ERC1: variants seen among roughly 807,000 people sequenced by gnomAD.
ERC1 encodes the protein RAB6 interacting protein 2.
ERC1 carries 56 observed loss-of-function variants against 132.0 expected under a neutral mutation model. The ratio of observed to expected loss-of-function variants is 0.42; its 90% confidence interval spans 0.34 to 0.53. The LOEUF (loss-of-function observed/expected upper bound fraction) is 0.53. Ranked by LOEUF, ERC1 falls within the 20% of genes least tolerant of loss-of-function variation. ERC1 has a pLI of 0.03. For synonymous variants in ERC1, 478 were observed against 476.1 expected, an observed-to-expected ratio of 1.00 and a Z score of -0.05; for missense variants, 1,202 against 1,349.9, an observed-to-expected ratio of 0.89 and a Z score of 1.72.
intron 8 of ERC1, among the ~76,000 whole-genome samples, chr12:1,167,747 C>T (rs1404363250): frequency 7.5e-5 from 11 of 146,766 alleles, no homozygotes; most frequent in Admixed American, 4.2e-4. Flanking sequence ...GATGGAGTCT[C>T]GCTCTGTTGC....
At chr12:1,068,625 T>G (rs1383709443) in intron 2 of ERC1, among the ~76,000 whole-genome samples, 1 of 152,222 alleles carries the variant, frequency 6.6e-6, no homozygotes, top group Admixed American at 6.5e-5. Context: ...TTCATACCCT[T>G]GAAGCTCTGA....
intron 2 of ERC1, among the ~76,000 whole-genome samples, chr12:1,060,948 G>A (rs1432241421): frequency 4.6e-5 from 7 of 152,092 alleles, no homozygotes; most frequent in Non-Finnish European, 1.0e-4. Flanking sequence ...GGATGATCTC[G>A]ATCTCCTGAC....
At chr12:1,003,363 G>T (rs959879662) in intron 1 of ERC1, among the ~76,000 whole-genome samples, 9 of 152,070 alleles carry the variant, frequency 5.9e-5, no homozygotes, top group Admixed American at 4.6e-4. Context: ...AGAATTCTAA[G>T]ATCAATGTTA....
intron 18 of ERC1, among the ~76,000 whole-genome samples, chr12:1,448,340 T>C (rs1302731739): frequency 6.6e-6 from 1 of 152,210 alleles, no homozygotes; most frequent in Non-Finnish European, 1.5e-5. Flanking sequence ...ATACAGTAAC[T>C]AACAACCCCT....
intron 17 of ERC1, among the ~76,000 whole-genome samples, chr12:1,434,970 C>G (rs957180032): frequency 1.9e-4 from 29 of 152,296 alleles, no homozygotes; most frequent in African/African-American, 6.3e-4. Flanking sequence ...AATTCAATCA[C>G]TGCATGGGAG....
intron 18 of ERC1, among the ~76,000 whole-genome samples, chr12:1,487,406 T>C (rs2154434114): frequency 7.3e-6 from 1 of 137,394 alleles, no homozygotes; most frequent in African/African-American, 2.8e-5. Flanking sequence ...TTTTTGCCTG[T>C]TTTAAGATGG....
chr12:1,068,240 C>G (rs1034415199), intron 2 of ERC1, among the ~76,000 whole-genome samples: 1 of 93,062 alleles, frequency 1.1e-5, no homozygotes, highest in Admixed American at 1.0e-4. Context: ...ATGCTGAGAT[C>G]TTAATTAAGA....
chr12:1,480,987 AC>A, intron 18 of ERC1: 1 of 689,520 alleles, frequency 1.5e-6, no homozygotes. Flanking sequence ...TGTGGATGGT[AC>A]TGAAGCCTAT....
intron 8 of ERC1, among the ~76,000 whole-genome samples, chr12:1,175,500 TA>T (rs1953600028): frequency 6.6e-6 from 1 of 151,418 alleles, no homozygotes; most frequent in Non-Finnish European, 1.5e-5. Context: ...ACACTCTTAT[TA>T]CTCATTCAGA....
chr12:1,078,433 C>T (rs1280454007), intron 2 of ERC1, among the ~76,000 whole-genome samples: 1 of 56,322 alleles, frequency 1.8e-5, no homozygotes, highest in African/African-American at 6.6e-5. Flanking sequence ...ATTTAAATTC[C>T]TGATTTTTTT....
intron 2 of ERC1, among the ~76,000 whole-genome samples, chr12:1,032,486 C>T (rs1321007634): frequency 6.6e-6 from 1 of 152,162 alleles, no homozygotes; most frequent in Non-Finnish European, 1.5e-5. Context: ...TATTCTACCA[C>T]TTTATATCTC....
intron 15 of ERC1, among the ~76,000 whole-genome samples, chr12:1,313,585 A>G (rs1203315826): frequency 1.3e-5 from 2 of 151,452 alleles, no homozygotes; most frequent in African/African-American, 4.9e-5. Flanking sequence ...TCCCATATGT[A>G]AATCAAATTG....
At chr12:1,111,111 C>T (rs1218514046) in intron 5 of ERC1, among the ~76,000 whole-genome samples, 1 of 152,112 alleles carries the variant, frequency 6.6e-6, no homozygotes, top group Non-Finnish European at 1.5e-5. Context: ...GGAAGATCCA[C>T]TTGCTGTCAG....
At chr12:1,443,360 G>A (rs1435748273) in intron 17 of ERC1, 3 of 152,236 alleles carry the variant, frequency 2.0e-5, no homozygotes, top group African/African-American at 2.4e-5. Flanking sequence ...ATAAAGGAAC[G>A]TGGCAGGAGC....
At chr12:1,004,487 A>T (rs1218169337) in intron 1 of ERC1, among the ~76,000 whole-genome samples, 2 of 139,698 alleles carry the variant, frequency 1.4e-5, no homozygotes, top group Admixed American at 7.9e-5. Flanking sequence ...GCTCACTGCA[A>T]CCTCCGCCTC....
chr12:1,447,563 T>G (rs73028386), intron 18 of ERC1, among the ~76,000 whole-genome samples: 1 of 151,100 alleles, frequency 6.6e-6, no homozygotes, highest in Non-Finnish European at 1.5e-5. Flanking sequence ...AAAAACCCAG[T>G]GCTTATTAAT....
chr12:1,336,382 A>G (rs1367270643), intron 15 of ERC1, among the ~76,000 whole-genome samples: 2 of 152,138 alleles, frequency 1.3e-5, no homozygotes, highest in South Asian at 2.1e-4. Flanking sequence ...TGATGTGGAC[A>G]TTTAATGATA....
chr12:1,330,607 C>G (rs2154357751), intron 15 of ERC1, among the ~76,000 whole-genome samples: 1 of 151,878 alleles, frequency 6.6e-6, no homozygotes, highest in African/African-American at 2.4e-5. Flanking sequence ...TTCCACTTTT[C>G]TTCCCCTCCC....
intron 18 of ERC1, among the ~76,000 whole-genome samples, chr12:1,450,243 G>A (rs1174846873): frequency 1.3e-5 from 2 of 152,022 alleles, no homozygotes; most frequent in Non-Finnish European, 2.9e-5. Flanking sequence ...TATTCATAAC[G>A]TAAACTATCA....
Sources: allele counts gnomAD v4.1 joint callset (sites outside exome capture counted in the v4.1 genomes callset), GRCh38; gene constraint gnomAD v4.1.1; transcripts MANE v1.5; gene names NCBI Gene and HGNC (gene_info 2026-07-23, HGNC 2026-07-21).